RPTOR: variants seen among roughly 807,000 people sequenced by gnomAD.
RPTOR encodes the protein regulatory associated protein of MTOR complex 1.
Under a neutral mutation model 169.9 loss-of-function variants are expected in RPTOR, and 21 were observed. The observed-to-expected ratio is 0.12, with a 90% CI of 0.09 to 0.18. The LOEUF (loss-of-function observed/expected upper bound fraction) is 0.18. Among genes scored for constraint, RPTOR ranks in the 10% least tolerant of loss-of-function variants. RPTOR has a pLI of 1.00. For synonymous variants in RPTOR, 732 were observed against 753.2 expected, an observed-to-expected ratio of 0.97 and a Z score of 0.46; for missense variants, 1,133 against 1,855.9, an observed-to-expected ratio of 0.61 and a Z score of 7.16.
At chr17:80,898,274 T>C (rs1236994918) in intron 20 of RPTOR, among the ~76,000 whole-genome samples, 1 of 152,240 alleles carries the variant, frequency 6.6e-6, no homozygotes, top group East Asian at 1.9e-4. Context: ...CTCTGCTGTC[T>C]CTTTATTGTT....
intron 9 of RPTOR, among the ~76,000 whole-genome samples, chr17:80,831,681 G>A (rs1374455424): frequency 6.6e-6 from 1 of 152,224 alleles, no homozygotes; most frequent in Non-Finnish European, 1.5e-5. Flanking sequence ...GTGTATCCTT[G>A]TGTATCACTA....
chr17:80,617,258 A>G (rs1407540761), intron 1 of RPTOR, among the ~76,000 whole-genome samples: 1 of 152,164 alleles, frequency 6.6e-6, no homozygotes, highest in Admixed American at 6.5e-5. Context: ...TTGTGGGTAC[A>G]GTTTTGTACC....
At chr17:80,655,471 C>CAT (rs60628249) in intron 3 of RPTOR, among the ~76,000 whole-genome samples, 112,339 of 151,790 alleles carry the variant, frequency 0.74, 42,383 homozygotes, top group African/African-American at 0.87. Context: ...GTGATGCAGT[C>CAT]AGCTTACTGC....
intron 7 of RPTOR, among the ~76,000 whole-genome samples, chr17:80,794,111 A>G (rs2067077295): frequency 6.6e-6 from 1 of 152,268 alleles, no homozygotes; most frequent in Non-Finnish European, 1.5e-5. Context: ...ATCCAAATGT[A>G]AAATGTTTAC....
At chr17:80,669,795 A>T (rs1035475060) in intron 3 of RPTOR, among the ~76,000 whole-genome samples, 1 of 152,168 alleles carries the variant, frequency 6.6e-6, no homozygotes, top group Non-Finnish European at 1.5e-5. Flanking sequence ...CCCTCTGTGG[A>T]TCATCTCTCT....
intron 7 of RPTOR, among the ~76,000 whole-genome samples, chr17:80,812,975 C>G (rs959642215): frequency 6.6e-6 from 1 of 152,230 alleles, no homozygotes; most frequent in Non-Finnish European, 1.5e-5. Flanking sequence ...CCAGCTGGGA[C>G]TCTATGTGGC....
At chr17:80,547,562 G>T (rs2084292118) in intron 1 of RPTOR, among the ~76,000 whole-genome samples, 1 of 152,206 alleles carries the variant, frequency 6.6e-6, no homozygotes, top group Non-Finnish European at 1.5e-5. Context: ...GAGCTGGGGA[G>T]AAAGTTTGCT....
chr17:80,756,218 C>T (rs956197018), intron 6 of RPTOR, among the ~76,000 whole-genome samples: 2 of 152,180 alleles, frequency 1.3e-5, no homozygotes, highest in African/African-American at 4.8e-5. Flanking sequence ...TAAAAGCAAG[C>T]CCAGCCCCTT....
chr17:80,913,852 C>T (rs2068640485), intron 21 of RPTOR, among the ~76,000 whole-genome samples: 1 of 152,194 alleles, frequency 6.6e-6, no homozygotes, highest in Admixed American at 6.5e-5. Context: ...GCAGTTCTCA[C>T]CTCAGTGGTT....
intron 5 of RPTOR, among the ~76,000 whole-genome samples, chr17:80,747,333 G>A (rs2066585678): frequency 6.6e-6 from 1 of 152,222 alleles, no homozygotes; most frequent in Admixed American, 6.5e-5. Flanking sequence ...AATTCAGCAT[G>A]CTTCCTCCTG....
intron 13 of RPTOR, among the ~76,000 whole-genome samples, chr17:80,867,363 A>T (rs866886455): frequency 1.9e-5 from 1 of 51,690 alleles, no homozygotes; most frequent in Non-Finnish European, 5.5e-5. Context: ...CTTCTGATTT[A>T]AAAAAAAAAA....
chr17:80,900,982 C>T (rs1249189242), intron 20 of RPTOR, among the ~76,000 whole-genome samples: 1 of 152,196 alleles, frequency 6.6e-6, no homozygotes, highest in African/African-American at 2.4e-5. Flanking sequence ...CTTCTGCTGG[C>T]GAAGGCTACA....
At chr17:80,676,515 T>A (rs1172167152) in intron 3 of RPTOR, among the ~76,000 whole-genome samples, 1 of 152,184 alleles carries the variant, frequency 6.6e-6, no homozygotes, top group Non-Finnish European at 1.5e-5. Context: ...TGAGGGCAGA[T>A]GAGGCAGCAC....
At chr17:80,712,138 C>T (rs2066199438) in intron 4 of RPTOR, among the ~76,000 whole-genome samples, 1 of 152,040 alleles carries the variant, frequency 6.6e-6, no homozygotes, top group Admixed American at 6.5e-5. Flanking sequence ...ACTTCCTTCC[C>T]CTCATTTTCC....
intron 10 of RPTOR, among the ~76,000 whole-genome samples, chr17:80,843,494 C>CTT (rs2067693131): frequency 6.6e-6 from 1 of 151,846 alleles, no homozygotes; most frequent in African/African-American, 2.4e-5. Flanking sequence ...GTAGAAAGCT[C>CTT]GGGCTAATTG....
intron 3 of RPTOR, among the ~76,000 whole-genome samples, chr17:80,668,741 T>G (rs1210030103): frequency 6.6e-6 from 1 of 152,240 alleles, no homozygotes; most frequent in Non-Finnish European, 1.5e-5. Context: ...AGAAACCTTT[T>G]GTTCAGCAGA....
At chr17:80,725,324 G>A (rs1339374515) in intron 4 of RPTOR, among the ~76,000 whole-genome samples, 1 of 152,252 alleles carries the variant, frequency 6.6e-6, no homozygotes, top group Non-Finnish European at 1.5e-5. Flanking sequence ...GGATTGTAAT[G>A]AAGAAATTAT....
At chr17:80,700,078 GA>G (rs1567864015) in intron 3 of RPTOR, among the ~76,000 whole-genome samples, 1 of 152,198 alleles carries the variant, frequency 6.6e-6, no homozygotes, top group Non-Finnish European at 1.5e-5. Flanking sequence ...GAAAAGGTAG[GA>G]AGAAGGTTCT....
chr17:80,569,553 A>AATG (rs1568309886), intron 1 of RPTOR, among the ~76,000 whole-genome samples: 9 of 152,114 alleles, frequency 5.9e-5, no homozygotes, highest in African/African-American at 2.2e-4. Flanking sequence ...ATGAATGAAT[A>AATG]AATAAATAAA....
Sources: allele counts gnomAD v4.1 joint callset (sites outside exome capture counted in the v4.1 genomes callset), GRCh38; gene constraint gnomAD v4.1.1; transcripts MANE v1.5; gene names NCBI Gene and HGNC (gene_info 2026-07-23, HGNC 2026-07-21).